Variants in ATP8A2 observed in about 807,000 individuals in gnomAD.
ATP8A2 encodes the protein phospholipid-transporting ATPase IB.
Under a neutral mutation model 165.6 loss-of-function variants are expected in ATP8A2, and 100 were observed. That is an observed-to-expected ratio of 0.60 (90% CI 0.51 to 0.71). ATP8A2 has a LOEUF of 0.71. ATP8A2 is among the 30% of genes least tolerant of loss of function. ATP8A2 has a pLI of 0.00. For missense variants in ATP8A2, 1,227 were observed against 1,479.5 expected (o/e 0.83, Z 2.80); for synonymous variants, 543 against 548.8 (o/e 0.99, Z 0.15).
intron 33 of ATP8A2, among the ~76,000 whole-genome samples, chr13:25,923,844 A>G (rs886983889): frequency 2.0e-5 from 3 of 152,116 alleles, no homozygotes; most frequent in Non-Finnish European, 4.4e-5. Flanking sequence ...TGTTTTTCTA[A>G]GATTGCCACA....
At chr13:25,765,856 CA>C (rs1204384839) in intron 25 of ATP8A2, among the ~76,000 whole-genome samples, 8 of 152,036 alleles carry the variant, frequency 5.3e-5, no homozygotes, top group African/African-American at 1.7e-4. Flanking sequence ...ACTTTAACCT[CA>C]AAAAAAACCC....
At chr13:25,701,999 A>G (rs908104228) in intron 25 of ATP8A2, among the ~76,000 whole-genome samples, 14 of 152,166 alleles carry the variant, frequency 9.2e-5, no homozygotes, top group African/African-American at 3.4e-4. Flanking sequence ...CATACTTAAG[A>G]TTTTAAAAAA....
At chr13:25,631,207 A>C (rs1020594482) in intron 24 of ATP8A2, among the ~76,000 whole-genome samples, 2 of 151,684 alleles carry the variant, frequency 1.3e-5, no homozygotes, top group Non-Finnish European at 2.9e-5. Flanking sequence ...ATCACTGTCC[A>C]ACAGGACTTT....
At chr13:25,392,912 CAA>C (rs5802332) in intron 1 of ATP8A2, among the ~76,000 whole-genome samples, 1 of 147,698 alleles carries the variant, frequency 6.8e-6, no homozygotes, top group Admixed American at 6.7e-5. Context: ...CTCATCTCTA[CAA>C]AAAAAAAACA....
intron 16 of ATP8A2, among the ~76,000 whole-genome samples, chr13:25,568,397 G>A (rs2039377214): frequency 2.0e-5 from 3 of 152,086 alleles, no homozygotes; most frequent in Admixed American, 1.3e-4. Context: ...AATTTTGCTT[G>A]CAAAACAATT....
chr13:25,423,924 ACTGACAGC>A (rs1219124815), intron 1 of ATP8A2, among the ~76,000 whole-genome samples: 1 of 152,192 alleles, frequency 6.6e-6, no homozygotes, highest in African/African-American at 2.4e-5. Flanking sequence ...AGTTGTGTCC[ACTGACAGC>A]GTGGGCAAAG....
intron 1 of ATP8A2, among the ~76,000 whole-genome samples, chr13:25,398,696 G>A (rs541291240): frequency 1.3e-5 from 2 of 152,326 alleles, no homozygotes; most frequent in East Asian, 3.9e-4. Context: ...CTTAGTCCCT[G>A]TCCTTGAGGA....
intron 35 of ATP8A2, among the ~76,000 whole-genome samples, chr13:25,982,755 G>A (rs1956195117): frequency 6.6e-6 from 1 of 152,142 alleles, no homozygotes; most frequent in Non-Finnish European, 1.5e-5. Flanking sequence ...ATTAATCTTT[G>A]TAACTGTACT....
chr13:25,764,879 A>G (rs983388009), intron 25 of ATP8A2, among the ~76,000 whole-genome samples: 21 of 152,332 alleles, frequency 1.4e-4, no homozygotes, highest in African/African-American at 5.1e-4. Context: ...ATCGAGATCC[A>G]GCCCCTCTTT....
At chr13:25,587,204 TAAA>T (rs1566303605) in intron 23 of ATP8A2, among the ~76,000 whole-genome samples, 1 of 152,156 alleles carries the variant, frequency 6.6e-6, no homozygotes. Flanking sequence ...ATTGACACAA[TAAA>T]TAATTTGCTA....
chr13:25,430,995 AACAC>A (rs543580202), intron 1 of ATP8A2, among the ~76,000 whole-genome samples: 3 of 151,204 alleles, frequency 2.0e-5, no homozygotes, highest in African/African-American at 4.9e-5. Flanking sequence ...TCCTTCCTAA[AACAC>A]ACACACACAC....
At chr13:25,994,270 G>C (rs1956450075) in intron 35 of ATP8A2, among the ~76,000 whole-genome samples, 1 of 151,830 alleles carries the variant, frequency 6.6e-6, no homozygotes, top group African/African-American at 2.4e-5. Flanking sequence ...ATTTATGTGT[G>C]CATATATATG....
intron 25 of ATP8A2, among the ~76,000 whole-genome samples, chr13:25,726,373 A>G (rs968745266): frequency 2.0e-5 from 3 of 152,252 alleles, no homozygotes; most frequent in African/African-American, 7.2e-5. Context: ...TGCCACTGCA[A>G]CAGATTACCA....
chr13:25,629,263 A>G (rs2041178435), intron 24 of ATP8A2, among the ~76,000 whole-genome samples: 1 of 152,186 alleles, frequency 6.6e-6, no homozygotes, highest in Non-Finnish European at 1.5e-5. Context: ...TTGGCTCAAT[A>G]AAAAAATTTT....
chr13:25,847,044 G>A (rs979454323), intron 30 of ATP8A2, among the ~76,000 whole-genome samples: 1 of 152,182 alleles, frequency 6.6e-6, no homozygotes, highest in Non-Finnish European at 1.5e-5. Flanking sequence ...TCAGAGTCAA[G>A]CATTAAATGC....
chr13:25,743,591 C>G (rs114957248), intron 25 of ATP8A2, among the ~76,000 whole-genome samples: 1 of 152,124 alleles, frequency 6.6e-6, no homozygotes, highest in African/African-American at 2.4e-5. Flanking sequence ...GTGGATTTGC[C>G]GGCCACATGT....
chr13:25,708,921 T>C (rs2043105645), intron 25 of ATP8A2, among the ~76,000 whole-genome samples: 1 of 152,232 alleles, frequency 6.6e-6, no homozygotes, highest in African/African-American at 2.4e-5. Flanking sequence ...AGTTTTATGA[T>C]TGGTGATGTC....
chr13:26,010,730 G>T (rs1310854503), intron 35 of ATP8A2, among the ~76,000 whole-genome samples: 1 of 152,236 alleles, frequency 6.6e-6, no homozygotes, highest in Non-Finnish European at 1.5e-5. Flanking sequence ...GCCAGACCCG[G>T]TGAGATTAAT....
chr13:25,764,539 AGCAGCAGCG>A (rs2044451128), intron 25 of ATP8A2, among the ~76,000 whole-genome samples: 1 of 152,212 alleles, frequency 6.6e-6, no homozygotes. Context: ...TCCAGAGACA[AGCAGCAGCG>A]GCAGCAGCCG....
Sources: gnomAD v4.1 joint callset for allele counts (sites outside exome capture counted in the v4.1 genomes callset) on GRCh38, gnomAD v4.1.1 for gene constraint, MANE v1.5 for transcripts, NCBI Gene and HGNC (gene_info 2026-07-23, HGNC 2026-07-21) for gene names.